UNC79: variants seen among roughly 807,000 people sequenced by gnomAD.
UNC79 encodes unc-79 subunit of NALCN channel complex.
UNC79 carries 37 observed loss-of-function variants against 283.1 expected under a neutral mutation model. The observed-to-expected ratio is 0.13, with a 90% CI of 0.10 to 0.17. UNC79 has a LOEUF of 0.17. UNC79 is among the 10% of genes least tolerant of loss of function. The pLI is 1.00. For missense variants in UNC79, 2,272 were observed against 3,211.1 expected, an observed-to-expected ratio of 0.71 and a Z score of 7.07; for synonymous variants, 1,107 against 1,200.2, an observed-to-expected ratio of 0.92 and a Z score of 1.61.
chr14:93,687,069 G>A (rs12436900), intron 43 of UNC79, among the ~76,000 whole-genome samples: 4,162 of 152,180 alleles, frequency 0.027, 198 homozygotes, highest in African/African-American at 0.095. Context: ...ACATAGCATC[G>A]TTTAATTACC....
Position 93,597,666 on chromosome 14 carries a change from T to C in UNC79, c.3372+126T>C, listed in dbSNP as rs2065170049. On this transcript the variant is annotated intron_variant, in intron 24 of 48. Transcript: ENST00000555664. ...ACAGAATACCATAAACTGGGTAGTT[T>C]ATAAACAACAGAAATTTATTTCGCA... 8.4e-6 allele frequency: 9 copies of C among 1,077,768 alleles called. No individual in the cohort carries two copies. The South Asian group carries it at 1.5e-4, about 18-fold the overall frequency. 66.8% of individuals were successfully genotyped at this position (1,077,768 alleles called of 1,614,324 possible).
At chr14:93,542,082 A>G (rs1041164508) in intron 13 of UNC79, among the ~76,000 whole-genome samples, 2 of 152,044 alleles carry the variant, frequency 1.3e-5, no homozygotes, top group Admixed American at 1.3e-4. Flanking sequence ...ATTATTACTA[A>G]TACACAATTC....
intron 39 of UNC79, among the ~76,000 whole-genome samples, chr14:93,662,119 C>A (rs1048088670): frequency 3.9e-5 from 6 of 152,182 alleles, no homozygotes; most frequent in African/African-American, 1.4e-4. Context: ...TCCTGATTAA[C>A]ATTGGCAGGA....
intron 43 of UNC79, among the ~76,000 whole-genome samples, chr14:93,687,531 T>C (rs1476008336): frequency 6.6e-6 from 1 of 152,192 alleles, no homozygotes; most frequent in Admixed American, 6.5e-5. Flanking sequence ...GAGCTAGTGA[T>C]CCCAGAAGTT....
At chr14:93,382,628 G>T (rs2054687294) in intron 1 of UNC79, among the ~76,000 whole-genome samples, 1 of 152,120 alleles carries the variant, frequency 6.6e-6, no homozygotes, top group Non-Finnish European at 1.5e-5. Context: ...CCCAGCACCT[G>T]AAGATATAAA....
At chr14:93,373,732 T>G (rs1449618172) in intron 1 of UNC79, among the ~76,000 whole-genome samples, 1 of 152,106 alleles carries the variant, frequency 6.6e-6, no homozygotes, top group Non-Finnish European at 1.5e-5. Context: ...AGAAGAAGGA[T>G]AAATACTTTC....
chr14:93,564,964 C>G (rs2062789995), intron 14 of UNC79, among the ~76,000 whole-genome samples: 1 of 152,146 alleles, frequency 6.6e-6, no homozygotes, highest in South Asian at 2.1e-4. Flanking sequence ...GGCTCAGAGG[C>G]TTGACAGAAA....
At chr14:93,687,034 ACTCTCAATTCATTCT>A (rs1257587072) in intron 43 of UNC79, among the ~76,000 whole-genome samples, 1 of 152,098 alleles carries the variant, frequency 6.6e-6, no homozygotes, top group East Asian at 1.9e-4. Context: ...GATTCTTGTG[ACTCTCAATTCATTCT>A]CTTTTTACCA....
At chr14:93,518,853 G>A (rs1333219330) in intron 7 of UNC79, among the ~76,000 whole-genome samples, 2 of 151,790 alleles carry the variant, frequency 1.3e-5, no homozygotes, top group African/African-American at 4.8e-5. Flanking sequence ...AGATACTTTT[G>A]TGTTATTGGT....
At chr14:93,521,045 G>T (rs2140964036) in intron 7 of UNC79, among the ~76,000 whole-genome samples, 1 of 151,980 alleles carries the variant, frequency 6.6e-6, no homozygotes, top group Non-Finnish European at 1.5e-5. Context: ...GTTTGTTTTG[G>T]CAATCAAGCT....
At chr14:93,419,793 G>T (rs1386665316) in intron 1 of UNC79, among the ~76,000 whole-genome samples, 1 of 151,616 alleles carries the variant, frequency 6.6e-6, no homozygotes, top group Non-Finnish European at 1.5e-5. Flanking sequence ...GCCAGGTGTG[G>T]TGGCTGACCC....
intron 20 of UNC79, among the ~76,000 whole-genome samples, 160 bp from the exon 21 acceptor site, chr14:93,586,423 TGTATCATAGCAGG>T (rs1455772484): frequency 1.3e-5 from 2 of 152,194 alleles, no homozygotes; most frequent in African/African-American, 4.8e-5. Context: ...TTCCTGCACT[TGTATCATAGCAGG>T]GATATATGCT....
At chr14:93,570,714 A>C (rs1339054731) in intron 14 of UNC79, among the ~76,000 whole-genome samples, 1 of 152,120 alleles carries the variant, frequency 6.6e-6, no homozygotes, top group Non-Finnish European at 1.5e-5. Context: ...TAATTAGGAC[A>C]TTTGCTTAGG....
intron 40 of UNC79, among the ~76,000 whole-genome samples, chr14:93,663,009 G>A (rs993424841): frequency 2.0e-5 from 3 of 152,166 alleles, no homozygotes; most frequent in Admixed American, 1.3e-4. Flanking sequence ...GCTAATGGTT[G>A]ACATGACCTC....
At chr14:93,445,258 A>G (rs192990885) in intron 1 of UNC79, among the ~76,000 whole-genome samples, 1 of 152,306 alleles carries the variant, frequency 6.6e-6, no homozygotes, top group Admixed American at 6.5e-5. Context: ...GTGAATAAAG[A>G]TAATTTTACA....
intron 31 of UNC79, among the ~76,000 whole-genome samples, chr14:93,636,905 T>C (rs1389242388): frequency 1.3e-5 from 2 of 152,216 alleles, no homozygotes; most frequent in East Asian, 3.9e-4. Flanking sequence ...TATTAGCCTT[T>C]CGTTTCCTAT....
intron 1 of UNC79, chr14:93,464,555 T>C (rs1051237944): frequency 3.7e-5 from 17 of 456,176 alleles, no homozygotes; most frequent in Admixed American, 3.5e-4. Flanking sequence ...TTTCAACATA[T>C]GAATTCTAAG....
chr14:93,643,710 T>G lies in UNC79; in HGVS notation c.6044+13T>G, dbSNP rs1566843760. Reference sequence around the variant, plus strand: ...AGTCTGTGGGAAGGTGAATGTCAGCTTCTGTTTTGTTTGGTAGGAAGGTCC... The same window carrying G: ...AGTCTGTGGGAAGGTGAATGTCAGCGTCTGTTTTGTTTGGTAGGAAGGTCC... On this transcript the variant is annotated intron_variant, in intron 34 of 48. Transcript: ENST00000555664. 1 of 1,611,540 alleles carries G rather than the reference T, an allele frequency of 6.2e-7. No homozygotes were observed. Among genetic ancestry groups the G allele is most frequent in the Non-Finnish European group, 8.5e-7 (1 of 1,179,798 alleles).
chr14:93,688,948 G>T lies in UNC79; in HGVS notation c.7085+108G>T. ...GAGTACACCGAAGATTTATGACAGT[G>T]GAATATACTTGGTTAGGAAGATGGA... On this transcript the variant is annotated intron_variant, in intron 44 of 48. Transcript: ENST00000555664. The surrounding 1 kb of genome is among the most constrained non-coding windows in gnomAD (Gnocchi z 4.0). 1 of 1,213,206 alleles carries T rather than the reference G, an allele frequency of 8.2e-7. No homozygotes were observed. 75.2% of individuals were successfully genotyped at this position (1,213,206 alleles called of 1,614,324 possible). A position where few individuals can be genotyped will look rare whatever the true frequency, so the allele number is the denominator to read the frequency against.
Sources: allele counts gnomAD v4.1 joint callset (sites outside exome capture counted in the v4.1 genomes callset), GRCh38; gene constraint gnomAD v4.1.1; non-coding constraint Gnocchi (gnomAD v3.1); transcripts MANE v1.5; gene names NCBI Gene and HGNC (gene_info 2026-07-23, HGNC 2026-07-21).